Variants in JAKMIP2 observed in about 807,000 individuals in gnomAD.
JAKMIP2 encodes the protein janus kinase and microtubule interacting protein 2, also known as janus kinase and microtubule-interacting protein 2.
Under a neutral mutation model 115.0 loss-of-function variants are expected in JAKMIP2, and 25 were observed. That is an observed-to-expected ratio of 0.22 (90% CI 0.16 to 0.30). The LOEUF is 0.30. JAKMIP2 is among the 10% of genes least tolerant of loss of function. The pLI is 1.00. For missense variants in JAKMIP2, 642 were observed against 957.6 expected (o/e 0.67, Z 4.35); for synonymous variants, 334 against 343.6 (o/e 0.97, Z 0.31).
chr5:147,702,603 G>GGAAAGAAAGAAAGAAA (rs67153684), intron 1 of JAKMIP2, among the ~76,000 whole-genome samples: 3 of 91,762 alleles, frequency 3.3e-5, no homozygotes, highest in Non-Finnish European at 6.0e-5. Flanking sequence ...AAAGAAAGAA[G>GGAAAGAAAGAAAGAAA]GAAAGAAAGA....
chr5:147,627,895 T>A (rs1203855054), intron 16 of JAKMIP2, among the ~76,000 whole-genome samples: 1 of 152,200 alleles, frequency 6.6e-6, no homozygotes, highest in East Asian at 1.9e-4. Context: ...TTTGTTTGAG[T>A]AACTTAACTG....
At chr5:147,683,626 G>A (rs1760420001) in intron 1 of JAKMIP2, among the ~76,000 whole-genome samples, 1 of 152,102 alleles carries the variant, frequency 6.6e-6, no homozygotes, top group Non-Finnish European at 1.5e-5. Flanking sequence ...TTCTATTTTA[G>A]GCATAAGTGA....
At chr5:147,781,642 A>G (rs191734597) in intron 1 of JAKMIP2, among the ~76,000 whole-genome samples, 4 of 152,336 alleles carry the variant, frequency 2.6e-5, no homozygotes, top group African/African-American at 4.8e-5. Flanking sequence ...ATCGGTCACA[A>G]TGAAACTAAG....
intron 1 of JAKMIP2, among the ~76,000 whole-genome samples, chr5:147,739,533 T>C (rs1385564223): frequency 6.6e-6 from 1 of 151,986 alleles, no homozygotes; most frequent in East Asian, 1.9e-4. Context: ...GAACAGAGGC[T>C]CACAGAAGAG....
chr5:147,677,272 A>G (rs575030466), intron 1 of JAKMIP2, among the ~76,000 whole-genome samples: 2 of 152,350 alleles, frequency 1.3e-5, no homozygotes, highest in South Asian at 4.1e-4. Flanking sequence ...AGTGCTTTCT[A>G]TCTCTACTGT....
chr5:147,723,781 T>TATCCACCAGCCATGGCTGTCTC (rs1753409770), intron 1 of JAKMIP2, among the ~76,000 whole-genome samples: 1 of 152,184 alleles, frequency 6.6e-6, no homozygotes, highest in Non-Finnish European at 1.5e-5. Flanking sequence ...CATTCTGTCT[T>TATCCACCAGCCATGGCTGTCTC]ATCCACCAGC....
chr5:147,634,026 T>C (rs941752689), intron 12 of JAKMIP2, among the ~76,000 whole-genome samples: 1 of 152,216 alleles, frequency 6.6e-6, no homozygotes, highest in Non-Finnish European at 1.5e-5. Context: ...AAAATCTTTA[T>C]GAAGTACAAT....
At position 147,736,339 on chromosome 5, in the gene JAKMIP2, T is replaced by C. The variant is rs112178697; in HGVS notation, c.-149+46117A>G. ...AGCTGCATGTCGGGGCACACATCTG[T>C]AGTCCCAGCTACTTGAGAGGCTGAG... On this transcript the variant is annotated intron_variant, in intron 1 of 21. Coordinates refer to ENST00000616793, the MANE Select transcript of JAKMIP2 (RefSeq NM_001270941.2). Among the ~76,000 whole-genome samples the C allele has an allele frequency of 8.6e-3, 1,297 of 151,352 alleles. 27 individuals are homozygous for C. The highest frequency in any genetic ancestry group is 0.03 in the African/African-American group (1,230 of 41,274).
intron 1 of JAKMIP2, among the ~76,000 whole-genome samples, chr5:147,702,664 GAGAGA>G (rs1752416104): frequency 9.9e-6 from 1 of 101,122 alleles, no homozygotes; most frequent in Non-Finnish European, 1.9e-5. Flanking sequence ...AAGAAAGAAA[GAGAGA>G]GAAAGAAAGA....
chr5:147,670,543 C>G (rs184424444), intron 2 of JAKMIP2, among the ~76,000 whole-genome samples: 3 of 151,942 alleles, frequency 2.0e-5, no homozygotes, highest in Admixed American at 6.6e-5. Context: ...TGCATTTAGG[C>G]GATGGGATTG....
chr5:147,676,674 C>T (rs1209610366), intron 1 of JAKMIP2, among the ~76,000 whole-genome samples: 1 of 152,208 alleles, frequency 6.6e-6, no homozygotes, highest in African/African-American at 2.4e-5. Flanking sequence ...CCTCCTACAG[C>T]CTCTGAGGCT....
intron 7 of JAKMIP2, among the ~76,000 whole-genome samples, chr5:147,643,299 A>G (rs1757969462): frequency 6.6e-6 from 1 of 152,172 alleles, no homozygotes; most frequent in Admixed American, 6.5e-5. Context: ...TCTCTGTCTC[A>G]GTGGCAGTGA....
At chr5:147,719,941 T>A (rs1297697027) in intron 1 of JAKMIP2, among the ~76,000 whole-genome samples, 1 of 152,112 alleles carries the variant, frequency 6.6e-6, no homozygotes, top group Non-Finnish European at 1.5e-5. Flanking sequence ...TTCTTCTGAG[T>A]CTTGATGGTC....
rs1755083380 is a variant in JAKMIP2 at position 147,764,947 on chromosome 5, GGAGAGAGAGAGAGAGAGAGGGGGA to G, written c.-149+17485_-149+17508del. Among the ~76,000 whole-genome samples the G allele has an allele frequency of 2.2e-4, 8 of 36,592 alleles. 1 individual carries two copies. In the South Asian group the frequency reaches 3.4e-3, roughly 16 times the overall value. 24.0% of individuals were successfully genotyped at this position (36,592 alleles called of 152,430 possible). A position where few individuals can be genotyped will look rare whatever the true frequency, so the allele number is the denominator to read the frequency against. On this transcript the variant is annotated intron_variant, in intron 1 of 21. Transcript: ENST00000616793. ...GAGAGAGAGAGAGAGAGAGAGAGAGGGAGAGAGAGAGAGAGAGAGGGGGAGAGAGAGAGAGAGAGAGAGGGAGAG... is the reference window on the plus strand; with the variant it reads ...GAGAGAGAGAGAGAGAGAGAGAGAGGGAGAGAGAGAGAGAGAGAGGGAGAG...
intron 2 of JAKMIP2, among the ~76,000 whole-genome samples, chr5:147,662,928 G>A (rs1759099655): frequency 6.6e-6 from 1 of 151,956 alleles, no homozygotes; most frequent in South Asian, 2.1e-4. Context: ...AGAGGTTGCA[G>A]TGAGCCAAGA....
intron 1 of JAKMIP2, among the ~76,000 whole-genome samples, chr5:147,778,124 C>T (rs1166251270): frequency 1.3e-5 from 2 of 152,004 alleles, no homozygotes; most frequent in Admixed American, 6.6e-5. Context: ...CACCTCCCAA[C>T]CTCTATGTCA....
Position 147,698,836 on chromosome 5 carries a change from T to C in JAKMIP2, c.-148-26882A>G, listed in dbSNP as rs79150649. On this transcript the variant is annotated intron_variant, in intron 1 of 21. Coordinates refer to ENST00000616793, the MANE Select transcript of JAKMIP2 (RefSeq NM_001270941.2). ...TCATAGCAGCATGAGAATGGACTAATATAGCTTCCTAGAGTTGCTCAAAGT... is the reference window on the plus strand; with the variant it reads ...TCATAGCAGCATGAGAATGGACTAACATAGCTTCCTAGAGTTGCTCAAAGT... Among the ~76,000 whole-genome samples the C allele has an allele frequency of 9.8e-3, 1,498 of 152,256 alleles. 26 individuals are homozygous for C. The highest frequency in any genetic ancestry group is 0.035 in the African/African-American group (1,439 of 41,546).
intron 10 of JAKMIP2, among the ~76,000 whole-genome samples, chr5:147,638,735 C>T (rs796172428): frequency 1.4e-4 from 21 of 151,742 alleles, no homozygotes; most frequent in African/African-American, 5.1e-4. Flanking sequence ...TGTAAATTTA[C>T]CTAGGAGGCA....
At chr5:147,752,213 C>T (rs551068060) in intron 1 of JAKMIP2, among the ~76,000 whole-genome samples, 1 of 152,196 alleles carries the variant, frequency 6.6e-6, no homozygotes, top group African/African-American at 2.4e-5. Flanking sequence ...TACAGAGGCC[C>T]TGTCAAGGGA....
Sources: allele counts gnomAD v4.1 joint callset (sites outside exome capture counted in the v4.1 genomes callset), GRCh38; gene constraint gnomAD v4.1.1; transcripts MANE v1.5; gene names NCBI Gene and HGNC (gene_info 2026-07-23, HGNC 2026-07-21).